The following PPFIBP1 variants were observed in gnomAD, a reference collection of about 807,000 sequenced individuals.
The protein encoded by PPFIBP1 is PPFIB scaffold protein 1.
A neutral mutation model predicts 137.8 loss-of-function variants in PPFIBP1; 112 were observed. That is an observed-to-expected ratio of 0.81 (90% confidence interval 0.70 to 0.95). PPFIBP1 has a LOEUF of 0.95. Among genes scored for constraint, PPFIBP1 ranks in the 40% least tolerant of loss-of-function variants. The pLI, the probability that PPFIBP1 is intolerant of heterozygous loss-of-function variation, is 0.00. For synonymous variants in PPFIBP1, 378 were observed against 417.3 expected (o/e 0.91, Z 1.15); for missense variants, 1,083 against 1,196.6 (o/e 0.91, Z 1.40).
At chr12:27,679,236 A>C (rs925106658) in intron 19 of PPFIBP1, among the ~76,000 whole-genome samples, 1 of 152,208 alleles carries the variant, frequency 6.6e-6, no homozygotes, top group Non-Finnish European at 1.5e-5. Flanking sequence ...AAATCACTCA[A>C]GGAAAGAATG....
At chr12:27,535,237 C>G (rs1283446831) in intron 1 of PPFIBP1, among the ~76,000 whole-genome samples, 1 of 151,970 alleles carries the variant, frequency 6.6e-6, no homozygotes, top group African/African-American at 2.4e-5. Context: ...GTTTTTTTCT[C>G]TTGACTTGTC....
At chr12:27,609,292 C>T (rs1464498525) in intron 2 of PPFIBP1, among the ~76,000 whole-genome samples, 1 of 152,118 alleles carries the variant, frequency 6.6e-6, no homozygotes, top group Admixed American at 6.6e-5. Context: ...GACGTAAATC[C>T]CCAAACTTGC....
At chr12:27,660,975 G>T in intron 11 of PPFIBP1, 30 bp downstream of exon 11, 1 of 1,608,068 alleles carries the variant, frequency 6.2e-7, no homozygotes, top group African/African-American at 1.3e-5. Flanking sequence ...ATATACGTGT[G>T]GATGTTTTTT....
intron 2 of PPFIBP1, among the ~76,000 whole-genome samples, chr12:27,615,139 A>T (rs1417517983): frequency 2.0e-5 from 3 of 152,158 alleles, no homozygotes; most frequent in African/African-American, 7.2e-5. Context: ...CACTCTTTAG[A>T]CCCCGAAAGC....
chr12:27,676,949 C>T (rs1313531716), intron 18 of PPFIBP1, 115 bp from the exon 19 acceptor site: 1 of 1,370,950 alleles, frequency 7.3e-7, no homozygotes, highest in Non-Finnish European at 1.0e-6. Flanking sequence ...CCGCATGCCT[C>T]TCCTCCACGG....
intron 15 of PPFIBP1, among the ~76,000 whole-genome samples, chr12:27,673,534 T>C (rs2060327017): frequency 1.3e-5 from 2 of 152,356 alleles, no homozygotes; most frequent in African/African-American, 4.8e-5. Flanking sequence ...TTCCAGCTCT[T>C]CTAACATGTG....
At chr12:27,647,584 C>G in intron 5 of PPFIBP1, 145 bp from the exon 6 acceptor site, 1 of 537,948 alleles carries the variant, frequency 1.9e-6, no homozygotes. Flanking sequence ...GGACCACTGT[C>G]TTCTTGGTAC....
intron 2 of PPFIBP1, among the ~76,000 whole-genome samples, chr12:27,622,977 A>G (rs1222890256): frequency 2.6e-5 from 4 of 152,242 alleles, no homozygotes; most frequent in African/African-American, 4.8e-5. Flanking sequence ...GCTCATGTAT[A>G]GGAATTTATT....
intron 27 of PPFIBP1, 132 bp downstream of exon 27, chr12:27,689,335 C>T: frequency 1.4e-6 from 1 of 723,152 alleles, no homozygotes; most frequent in East Asian, 3.1e-5. Flanking sequence ...TGCAGGAATC[C>T]TCAGCGCTTA....
Position 27,688,419 on chromosome 12 carries a change from T to G in PPFIBP1, c.2492T>G (p.Leu831Arg). The G allele has an allele frequency of 6.2e-7, 1 of 1,613,820 alleles. No homozygotes were observed. The highest frequency in any genetic ancestry group is 8.5e-7 in the Non-Finnish European group (1 of 1,179,914). Residue 831 changes from leucine (L) to arginine (R), a missense_variant, in exon 26 of 30, where the codon CTC becomes CGC. Coordinates refer to ENST00000228425, the MANE Select transcript of PPFIBP1 (RefSeq NM_003622.4). ...AGAGGCAGTGGTGTCCATGGTGGGC[T>G]CATGGTAAAGCTCTGATTTAATTTA... Reference protein sequence around the residue: ...NLRGSGVHGGLMVLEPRFNVE... With the variant: ...NLRGSGVHGGRMVLEPRFNVE...
intron 1 of PPFIBP1, among the ~76,000 whole-genome samples, chr12:27,526,026 A>G (rs1426308721): frequency 1.3e-5 from 2 of 152,370 alleles, no homozygotes; most frequent in Admixed American, 6.5e-5. Context: ...ATAATGGTGA[A>G]CAAGTCTTTT....
At chr12:27,646,321 A>T in intron 5 of PPFIBP1, 173 bp downstream of exon 5, 2 of 655,150 alleles carry the variant, frequency 3.1e-6, no homozygotes, top group Non-Finnish European at 5.6e-6. Context: ...GATGGTGTTT[A>T]CACCCAGTTT....
In PPFIBP1 at chr12:27,607,549, C is replaced by T. The variant is rs193025133; in HGVS notation, c.-35-25813C>T. 2.0e-3 allele frequency among the ~76,000 whole-genome samples: 300 copies of T among 152,276 alleles called. 2 individuals are homozygous for T. The highest frequency in any genetic ancestry group is 7.1e-3 in the African/African-American group (294 of 41,532). ...CTTGTTAAAATACAGATTTCTGGGT[C>T]CCATACTCAAAGTTCCTGATTCAGT... On this transcript the variant is annotated intron_variant, in intron 2 of 29. Transcript: ENST00000228425.
At chr12:27,680,109 A>G in intron 21 of PPFIBP1, 48 bp downstream of exon 21, 2 of 1,605,408 alleles carry the variant, frequency 1.2e-6, no homozygotes, top group Non-Finnish European at 1.7e-6. Flanking sequence ...CAAGCATCAT[A>G]GCCTCATGAG....
chr12:27,595,295 C>T (rs1224709420), intron 2 of PPFIBP1, among the ~76,000 whole-genome samples: 1 of 152,230 alleles, frequency 6.6e-6, no homozygotes, highest in African/African-American at 2.4e-5. Context: ...CACACACACA[C>T]ATGCACGCAA....
In PPFIBP1 at chr12:27,563,564, C is replaced by A. The variant is rs1380537506; in HGVS notation, c.-123-14588C>A. ...AAGACTTGTAGGGTAAGAGGAGACT[C>A]CACCTGCCATTGCCGACTTTGAAGG... On this transcript the variant is annotated intron_variant, in intron 1 of 29. Coordinates refer to ENST00000228425, the MANE Select transcript of PPFIBP1 (RefSeq NM_003622.4). 5.9e-5 allele frequency among the ~76,000 whole-genome samples: 9 copies of A among 151,842 alleles called. 1 individual carries two copies. The highest frequency in any genetic ancestry group is 5.3e-4 in the Admixed American group (8 of 15,232).
At chr12:27,641,433 T>TA (rs1289750711) in intron 4 of PPFIBP1, among the ~76,000 whole-genome samples, 8 of 152,060 alleles carry the variant, frequency 5.3e-5, no homozygotes, top group Admixed American at 1.3e-4. Context: ...ATGTTATAAG[T>TA]AAAAACAGTG....
intron 11 of PPFIBP1, among the ~76,000 whole-genome samples, chr12:27,663,667 C>T (rs745519420): frequency 3.3e-5 from 5 of 151,928 alleles, no homozygotes; most frequent in Non-Finnish European, 7.4e-5. Flanking sequence ...ATGGTGAAAC[C>T]CCATCTCTAC....
intron 15 of PPFIBP1, among the ~76,000 whole-genome samples, chr12:27,672,726 A>G (rs1311860882): frequency 6.6e-6 from 1 of 152,158 alleles, no homozygotes; most frequent in Non-Finnish European, 1.5e-5. Flanking sequence ...GGGGTTTTGC[A>G]GGTCTCTAGC....
Sources: allele counts gnomAD v4.1 joint callset (sites outside exome capture counted in the v4.1 genomes callset), GRCh38; gene constraint gnomAD v4.1.1; transcripts MANE v1.5; gene names NCBI Gene and HGNC (gene_info 2026-07-23, HGNC 2026-07-21).